The following PACS2 variants were observed in gnomAD, a reference collection of about 807,000 sequenced individuals.
The protein encoded by PACS2 is phosphofurin acidic cluster sorting protein 2.
A neutral mutation model predicts 113.0 loss-of-function variants in PACS2; 36 were observed. The ratio of observed to expected loss-of-function variants is 0.32; its 90% CI spans 0.24 to 0.42. The LOEUF is 0.42. Ranked by LOEUF, PACS2 falls within the 10% of genes least tolerant of loss-of-function variation. The pLI is 1.00. For synonymous variants in PACS2, 589 were observed against 536.1 expected (o/e 1.10, Z -1.36); for missense variants, 1,015 against 1,239.5 (o/e 0.82, Z 2.72).
intron 24 of PACS2, chr14:105,394,087 C>T: frequency 3.2e-6 from 1 of 308,690 alleles, no homozygotes; most frequent in Non-Finnish European, 4.7e-6. Context: ...CTGCAAGTAA[C>T]TGTTTCAGAA....
chr14:105,343,727 G>C (rs1412808387), intron 1 of PACS2, among the ~76,000 whole-genome samples: 1 of 144,684 alleles, frequency 6.9e-6, no homozygotes, highest in Non-Finnish European at 1.5e-5. Context: ...ATGGAGTCTT[G>C]CTCTGTCACC....
Position 105,383,389 on chromosome 14 carries a change from C to T in PACS2, c.1656C>T (p.Pro552=), listed in dbSNP as rs782154081. Reference sequence around the variant, plus strand: ...ACTGCAATTCCCAGCCCCCGACCCCCGTGAAGATCGCCGTGGCGGGAGCGC... The same window carrying T: ...ACTGCAATTCCCAGCCCCCGACCCCTGTGAAGATCGCCGTGGCGGGAGCGC... ...YCNCNSQPPT[P]VKIAVAGAQH... The change falls in exon 16 of 25, where the codon CCC becomes CCT. Residue 552 remains proline, a synonymous_variant. Coordinates refer to ENST00000447393, the MANE Select transcript of PACS2 (RefSeq NM_001100913.3). The T allele has an allele frequency of 2.2e-5, 36 of 1,608,870 alleles. No individual in the cohort carries two copies. Among genetic ancestry groups the T allele is most frequent in the African/African-American group, 4.0e-5 (3 of 74,952 alleles).
At chr14:105,364,842 C>T (rs782788382) in intron 4 of PACS2, among the ~76,000 whole-genome samples, 2 of 151,772 alleles carry the variant, frequency 1.3e-5, no homozygotes, top group Non-Finnish European at 2.9e-5. Flanking sequence ...ACTACAGGTG[C>T]GCACCACCAT....
At chr14:105,385,172 A>T (rs2141263218) in intron 18 of PACS2, among the ~76,000 whole-genome samples, 185 bp downstream of exon 18, 1 of 152,320 alleles carries the variant, frequency 6.6e-6, no homozygotes, top group Middle Eastern at 3.4e-3. Context: ...CCCGCACCCC[A>T]GATCCCTCAT....
At chr14:105,383,087 G>A (rs887877997) in intron 15 of PACS2, 174 bp downstream of exon 15, 1 of 624,928 alleles carries the variant, frequency 1.6e-6, no homozygotes, top group Non-Finnish European at 2.9e-6. Context: ...AGTTGTGGGC[G>A]GGAGCAGCAG....
intron 1 of PACS2, among the ~76,000 whole-genome samples, chr14:105,304,094 G>GCAGGACAGTCAGGCAGTA (rs2058108309): frequency 6.6e-6 from 1 of 152,224 alleles, no homozygotes. Context: ...CCACAGCGGT[G>GCAGGACAGTCAGGCAGTA]CAGGACAGTC....
intron 19 of PACS2, among the ~76,000 whole-genome samples, chr14:105,386,404 G>A (rs753969653): frequency 2.4e-4 from 37 of 152,156 alleles, no homozygotes; most frequent in Non-Finnish European, 4.1e-4. Context: ...ACCTGGAGAC[G>A]GGGCCAAACT....
chr14:105,363,805 TCA>T (rs2060821431), intron 4 of PACS2, among the ~76,000 whole-genome samples: 1 of 152,134 alleles, frequency 6.6e-6, no homozygotes. Context: ...CTAAACTCAG[TCA>T]TTTCTAGGTT....
intron 1 of PACS2, among the ~76,000 whole-genome samples, chr14:105,305,465 C>T (rs2058159806): frequency 6.6e-6 from 1 of 152,036 alleles, no homozygotes; most frequent in Non-Finnish European, 1.5e-5. Context: ...GCTGCTTCCC[C>T]CATGTGAGGA....
At chr14:105,382,973 C>A (rs1331324364) in intron 15 of PACS2, 60 bp downstream of exon 15, 8 of 977,788 alleles carry the variant, frequency 8.2e-6, no homozygotes, top group Non-Finnish European at 1.3e-5. Flanking sequence ...CCTGCACCCC[C>A]ACCTCTGCCC....
At position 105,368,523 on chromosome 14, in the gene PACS2, C is replaced by A; in HGVS notation, c.725C>A (p.Thr242Lys). Residue 242 changes from threonine to lysine, a missense_variant, in exon 7 of 25, where the codon ACG becomes AAG. Coordinates refer to ENST00000447393, the MANE Select transcript of PACS2 (RefSeq NM_001100913.3). ...AAGCAGCGGAGATCGATTGTAAGAA[C>A]GACGTCCATGACCAGGGTTGGTGGA... ...PKKQRRSIVR[T>K]TSMTRQQNFK... 1.9e-6 allele frequency: 3 copies of A among 1,613,710 alleles called. No individual in the cohort carries two copies. The highest frequency in any genetic ancestry group is 2.5e-6 in the Non-Finnish European group (3 of 1,179,668).
chr14:105,356,706 A>C lies in PACS2; in HGVS notation c.423+1529A>C, dbSNP rs1401578739. ...ATCCCTGCCGGTCCCTGTGTTTCCC[A>C]TTAGCCATGCAGGCGAGGTCCTGCT... On this transcript the variant is annotated intron_variant, in intron 4 of 24. Transcript: ENST00000447393. This position sits in a 1 kb window ranked among gnomAD's most constrained non-coding sequence, Gnocchi z 4.0. Among the ~76,000 whole-genome samples, 5 of 146,976 alleles carry C rather than the reference A, an allele frequency of 3.4e-5. No individual in the cohort carries two copies. The highest frequency in any genetic ancestry group is 7.5e-5 in the Non-Finnish European group (5 of 66,762).
intron 1 of PACS2, among the ~76,000 whole-genome samples, chr14:105,302,568 G>GT (rs2058072698): frequency 6.6e-6 from 1 of 151,540 alleles, no homozygotes; most frequent in Non-Finnish European, 1.5e-5. Flanking sequence ...GGTTCAATGT[G>GT]TTCCCTTTTT....
chr14:105,335,263 G>A (rs587603590), intron 1 of PACS2, among the ~76,000 whole-genome samples: 82 of 152,376 alleles, frequency 5.4e-4, no homozygotes, highest in East Asian at 1.9e-3. Flanking sequence ...TGCTGGAGCC[G>A]TGGTGCTCCC....
chr14:105,336,272 G>A (rs1287832034), intron 1 of PACS2, among the ~76,000 whole-genome samples: 2 of 152,238 alleles, frequency 1.3e-5, no homozygotes, highest in East Asian at 3.8e-4. Context: ...GTTGACATGC[G>A]CCTCGAGGGC....
Position 105,362,279 on chromosome 14 carries a change from G to T in PACS2, c.424-4934G>T, listed in dbSNP as rs199593213. 4.0e-5 allele frequency among the ~76,000 whole-genome samples: 6 copies of T among 151,332 alleles called. No homozygotes were observed. In the South Asian group the frequency reaches 1.2e-3, roughly 32 times the overall value. ...TGAAAATATAAAAAATTAGCTGGGC[G>T]TGGTGGCGGGCGCCTGTAGTCCCAG... On this transcript the variant is annotated intron_variant, in intron 4 of 24. Coordinates refer to ENST00000447393, the MANE Select transcript of PACS2 (RefSeq NM_001100913.3).
chr14:105,336,675 T>G (rs1226505193), intron 1 of PACS2: 3 of 152,434 alleles, frequency 2.0e-5, no homozygotes, highest in Non-Finnish European at 4.4e-5. Flanking sequence ...CTGGCCTTCC[T>G]TCCTGGGGTT....
chr14:105,362,234 C>T (rs778670262), intron 4 of PACS2, among the ~76,000 whole-genome samples: 105 of 150,710 alleles, frequency 7.0e-4, no homozygotes, highest in Admixed American at 2.5e-3. Flanking sequence ...CTGGCTAACA[C>T]AGTGAAACAC....
chr14:105,348,375 C>T lies in PACS2; in HGVS notation c.120-118C>T. ...GGTCCTGGGGCCGCCCAGGCAGTCA[C>T]ACCCCGCCCTGCACCCCAGGGTGCA... On this transcript the variant is annotated intron_variant, in intron 1 of 24. Transcript: ENST00000447393. The surrounding 1 kb of genome is among the most constrained non-coding windows in gnomAD (Gnocchi z 6.4). 1 of 713,082 alleles carries T rather than the reference C, an allele frequency of 1.4e-6. No individual in the cohort carries two copies. Among genetic ancestry groups the T allele is most frequent in the Non-Finnish European group, 2.4e-6 (1 of 420,616 alleles). 44.2% of individuals were successfully genotyped at this position (713,082 alleles called of 1,614,324 possible). A position where few individuals can be genotyped will look rare whatever the true frequency, so the allele number is the denominator to read the frequency against.
Sources: gnomAD v4.1 joint callset for allele counts (sites outside exome capture counted in the v4.1 genomes callset) on GRCh38, gnomAD v4.1.1 for gene constraint, Gnocchi (gnomAD v3.1) non-coding constraint, MANE v1.5 for transcripts, NCBI Gene and HGNC (gene_info 2026-07-23, HGNC 2026-07-21) for gene names.